Variants in PDGFC observed in about 807,000 individuals in gnomAD.
PDGFC encodes platelet-derived growth factor C.
A neutral mutation model predicts 35.5 loss-of-function variants in PDGFC; 12 were observed. The ratio of observed to expected loss-of-function variants is 0.34; its 90% CI spans 0.22 to 0.55. The LOEUF is 0.55. Among genes scored for constraint, PDGFC ranks in the 20% least tolerant of loss-of-function variants. The pLI is 0.91. For missense variants in PDGFC, 322 were observed against 412.4 expected, an observed-to-expected ratio of 0.78 and a Z score of 1.90; for synonymous variants, 159 against 148.8, an observed-to-expected ratio of 1.07 and a Z score of -0.50.
At chr4:156,765,190 T>C (rs1453474173) in intron 5 of PDGFC, among the ~76,000 whole-genome samples, 1 of 152,166 alleles carries the variant, frequency 6.6e-6, no homozygotes, top group African/African-American at 2.4e-5. Context: ...TGTTCTTGTT[T>C]TTAATTCATT....
At chr4:156,818,516 G>GTTTTTTTTT (rs35714916) in intron 2 of PDGFC, among the ~76,000 whole-genome samples, 5 of 98,892 alleles carry the variant, frequency 5.1e-5, no homozygotes, top group Non-Finnish European at 7.6e-5. Context: ...CTTTCTAGCT[G>GTTTTTTTTT]TTTTTTTTTT....
chr4:156,848,966 C>T (rs1729389671), intron 2 of PDGFC, among the ~76,000 whole-genome samples: 1 of 151,946 alleles, frequency 6.6e-6, no homozygotes. Context: ...AGTCTCCTGT[C>T]TTCATTAGCA....
intron 1 of PDGFC, among the ~76,000 whole-genome samples, chr4:156,889,047 A>C (rs1396401719): frequency 6.6e-6 from 1 of 152,154 alleles, no homozygotes; most frequent in Non-Finnish European, 1.5e-5. Flanking sequence ...TGTGTCTACT[A>C]CCACGTGCTG....
chr4:156,944,992 C>T (rs1285532649), intron 1 of PDGFC, among the ~76,000 whole-genome samples: 1 of 151,938 alleles, frequency 6.6e-6, no homozygotes, highest in Non-Finnish European at 1.5e-5. Context: ...AAGATCTGTG[C>T]TCAAAGTCAC....
intron 1 of PDGFC, among the ~76,000 whole-genome samples, chr4:156,969,748 T>C (rs1211269930): frequency 6.6e-6 from 1 of 152,206 alleles, no homozygotes; most frequent in South Asian, 2.1e-4. Context: ...ATAGATGATA[T>C]ACAAAGCAGT....
chr4:156,806,185 G>A (rs1424412479), intron 3 of PDGFC, among the ~76,000 whole-genome samples: 3 of 151,752 alleles, frequency 2.0e-5, no homozygotes, highest in Non-Finnish European at 4.4e-5. Flanking sequence ...CAAATCAGGC[G>A]GCAACTTAAA....
intron 3 of PDGFC, among the ~76,000 whole-genome samples, chr4:156,780,819 C>A (rs1026735717): frequency 6.6e-6 from 1 of 152,292 alleles, no homozygotes; most frequent in East Asian, 1.9e-4. Flanking sequence ...ATGACCCCCC[C>A]ACATGGCTGA....
intron 1 of PDGFC, among the ~76,000 whole-genome samples, chr4:156,889,732 T>G (rs1036194250): frequency 6.6e-6 from 1 of 152,180 alleles, no homozygotes; most frequent in Non-Finnish European, 1.5e-5. Context: ...TAACAGGCAT[T>G]GTTTTGGTTT....
intron 1 of PDGFC, among the ~76,000 whole-genome samples, chr4:156,907,350 A>G (rs1730938643): frequency 6.6e-6 from 1 of 152,210 alleles, no homozygotes; most frequent in Admixed American, 6.5e-5. Context: ...GTGAGATTAC[A>G]TAATATAAAA....
Position 156,763,118 on chromosome 4 carries a change from C to T in PDGFC, c.1010G>A (p.Cys337Tyr). The T allele has an allele frequency of 6.2e-7, 1 of 1,608,094 alleles. No homozygotes were observed. The highest frequency in any genetic ancestry group is 8.5e-7 in the Non-Finnish European group (1 of 1,174,584). The change falls in exon 6 of 6, where the codon TGT becomes TAT. Residue 337 changes from cysteine (C) to tyrosine (Y), a missense_variant. Coordinates refer to ENST00000502773, the MANE Select transcript of PDGFC (RefSeq NM_016205.3). ...TCCTCCTGTGCTCCCTCTGCACACACAGTCACACTCCTCATGGTGCTCCAG... is the reference window on the plus strand; with the variant it reads ...TCCTCCTGTGCTCCCTCTGCACACATAGTCACACTCCTCATGGTGCTCCAG... Reference protein sequence around the residue: ...VALEHHEECDCVCRGSTGG With the variant: ...VALEHHEECDYVCRGSTGG
At position 156,957,423 on chromosome 4, in the gene PDGFC, T is replaced by C. The variant is rs184619052; in HGVS notation, c.118+13363A>G. Among the ~76,000 whole-genome samples, 14 of 152,078 alleles carry C rather than the reference T, an allele frequency of 9.2e-5. 1 individual carries two copies. In the East Asian group the frequency reaches 2.5e-3, roughly 28 times the overall value. On this transcript the variant is annotated intron_variant, in intron 1 of 5. Coordinates refer to ENST00000502773, the MANE Select transcript of PDGFC (RefSeq NM_016205.3). Reference sequence around the variant, plus strand: ...GGAAAAATCATAGGCTACTCATTGGTCTTCATTTTTTTCAGTCTCTGCTGT... The same window carrying C: ...GGAAAAATCATAGGCTACTCATTGGCCTTCATTTTTTTCAGTCTCTGCTGT...
At chr4:156,779,081 G>T in intron 3 of PDGFC, 1 of 455,688 alleles carries the variant, frequency 2.2e-6, no homozygotes, top group Non-Finnish European at 4.4e-6. Context: ...TTGTACAGAG[G>T]TCTTACTTTT....
intron 1 of PDGFC, among the ~76,000 whole-genome samples, chr4:156,869,984 TA>T (rs548263563): frequency 4.8e-4 from 71 of 148,584 alleles, no homozygotes; most frequent in African/African-American, 7.4e-4. Flanking sequence ...CTCCCAAACT[TA>T]AAAAAAAAAC....
At chr4:156,794,969 A>G (rs1034527350) in intron 3 of PDGFC, among the ~76,000 whole-genome samples, 9 of 152,180 alleles carry the variant, frequency 5.9e-5, no homozygotes, top group Non-Finnish European at 1.2e-4. Context: ...AGCTATTGCC[A>G]TCGCTGACCT....
At chr4:156,812,340 T>C (rs1731956652) in intron 2 of PDGFC, among the ~76,000 whole-genome samples, 1 of 152,132 alleles carries the variant, frequency 6.6e-6, no homozygotes, top group Admixed American at 6.6e-5. Context: ...TTGAAACAGA[T>C]TATTTTAATA....
rs144985090 is a variant in PDGFC, at chr4:156,820,439, C to A, written c.315-9422G>T. Among the ~76,000 whole-genome samples, 558 of 152,282 alleles carry A rather than the reference C, an allele frequency of 3.7e-3. 2 individuals carry two copies. The highest frequency in any genetic ancestry group is 0.02 in the South Asian group (97 of 4,816). ...CACCATGATCAGTCAGCAGCCACCA[C>A]ATTGAGGCAGGATGTGAGCAAAAAG... On this transcript the variant is annotated intron_variant, in intron 2 of 5. Coordinates refer to ENST00000502773, the MANE Select transcript of PDGFC (RefSeq NM_016205.3).
intron 3 of PDGFC, among the ~76,000 whole-genome samples, chr4:156,782,511 A>AT (rs968603842): frequency 3.3e-5 from 5 of 151,958 alleles, no homozygotes; most frequent in Non-Finnish European, 7.4e-5. Flanking sequence ...GTGTTTGGGC[A>AT]TTTTTTTTAC....
At chr4:156,930,813 GA>G (rs1282720764) in intron 1 of PDGFC, among the ~76,000 whole-genome samples, 1 of 152,138 alleles carries the variant, frequency 6.6e-6, no homozygotes, top group African/African-American at 2.4e-5. Flanking sequence ...AGGTTGCAGT[GA>G]GCCAAGATCA....
intron 4 of PDGFC, among the ~76,000 whole-genome samples, chr4:156,769,788 A>G (rs1324266729): frequency 6.6e-6 from 1 of 152,030 alleles, no homozygotes; most frequent in Non-Finnish European, 1.5e-5. Flanking sequence ...TAGTATATGC[A>G]TACATTCCTC....
Sources: allele counts gnomAD v4.1 joint callset (sites outside exome capture counted in the v4.1 genomes callset), GRCh38; gene constraint gnomAD v4.1.1; transcripts MANE v1.5; gene names NCBI Gene and HGNC (gene_info 2026-07-23, HGNC 2026-07-21).